The following DIS3L2 variants were observed in gnomAD, a reference collection of about 807,000 sequenced individuals.
DIS3L2 encodes the protein DIS3 like 3'-5' exoribonuclease 2, also known as DIS3-like exonuclease 2.
DIS3L2 carries 34 observed loss-of-function variants against 97.5 expected under a neutral mutation model. The ratio of observed to expected loss-of-function variants is 0.35; its 90% CI spans 0.27 to 0.46. The LOEUF (loss-of-function observed/expected upper bound fraction) is 0.46, where lower values mean the gene tolerates loss of function less well. DIS3L2 is among the 20% of genes least tolerant of loss of function. The pLI is 1.00. For missense variants in DIS3L2, 1,038 were observed against 1,146.0 expected, an observed-to-expected ratio of 0.91 and a Z score of 1.36; for synonymous variants, 435 against 445.2, an observed-to-expected ratio of 0.98 and a Z score of 0.29.
In DIS3L2 at chr2:232,257,435, C is replaced by A. The variant is rs190601614; in HGVS notation, c.1426-5772C>A. ...ACCTTTGACTTTTCTCACTGCCGGG[C>A]TGCCCCTACTAAGGATGATTGCCCT... On this transcript the variant is annotated intron_variant, in intron 12 of 20. Coordinates refer to ENST00000325385, the MANE Select transcript of DIS3L2 (RefSeq NM_152383.5). Among the ~76,000 whole-genome samples, 347 of 152,288 alleles carry A rather than the reference C, an allele frequency of 2.3e-3. 4 individuals are homozygous for A. Among genetic ancestry groups the A allele is most frequent in the African/African-American group, 8.2e-3 (340 of 41,556 alleles).
intron 14 of DIS3L2, among the ~76,000 whole-genome samples, chr2:232,312,718 A>C (rs1695170197): frequency 6.6e-6 from 1 of 152,236 alleles, no homozygotes; most frequent in Non-Finnish European, 1.5e-5. Context: ...TATGATAATG[A>C]GTCTTCACAA....
At chr2:232,243,790 T>C (rs1236499887) in intron 11 of DIS3L2, among the ~76,000 whole-genome samples, 2 of 152,246 alleles carry the variant, frequency 1.3e-5, no homozygotes, top group African/African-American at 2.4e-5. Context: ...TTATCTTTGC[T>C]GTCCCCTCGG....
intron 5 of DIS3L2, among the ~76,000 whole-genome samples, chr2:232,046,745 T>A (rs551164636): frequency 2.6e-5 from 4 of 152,354 alleles, no homozygotes; most frequent in Admixed American, 2.6e-4. Flanking sequence ...TTTTAGAATA[T>A]CTTGAGTTAT....
At chr2:232,342,519 A>G (rs1359334967) in intron 13 of DIS3L2, among the ~76,000 whole-genome samples, 1 of 152,194 alleles carries the variant, frequency 6.6e-6, no homozygotes, top group African/African-American at 2.4e-5. Context: ...AAAAGTAAAA[A>G]CTGAAGTTGA....
intron 1 of DIS3L2, among the ~76,000 whole-genome samples, chr2:231,973,279 T>A (rs1448354292): frequency 2.3e-5 from 3 of 128,224 alleles, no homozygotes; most frequent in Non-Finnish European, 4.6e-5. Context: ...TATTTACATG[T>A]TTATACACAC....
At chr2:232,207,769 A>G (rs564473868) in intron 9 of DIS3L2, among the ~76,000 whole-genome samples, 9 of 152,302 alleles carry the variant, frequency 5.9e-5, no homozygotes, top group African/African-American at 1.9e-4. Flanking sequence ...GCCATTAACT[A>G]TATTAAGCCA....
At chr2:232,096,714 A>T (rs563594058) in intron 6 of DIS3L2, among the ~76,000 whole-genome samples, 2 of 149,146 alleles carry the variant, frequency 1.3e-5, no homozygotes, top group African/African-American at 4.9e-5. Context: ...AAAGACTCTG[A>T]TGTGTTCTTC....
At chr2:232,329,786 C>A in intron 14 of DIS3L2, 27 bp from the exon 15 acceptor site, 9 of 430,228 alleles carry the variant, frequency 2.1e-5, no homozygotes, top group South Asian at 5.5e-5. Context: ...CCCCAGCGGT[C>A]CCTCCCATCC....
chr2:232,149,369 C>A (rs1334902699), intron 8 of DIS3L2, among the ~76,000 whole-genome samples: 16 of 108,272 alleles, frequency 1.5e-4, no homozygotes, highest in Non-Finnish European at 1.3e-4. Flanking sequence ...CACCACAGTC[C>A]CCAGAGTGTG....
At chr2:232,330,139 T>TTTCTCCCA in intron 15 of DIS3L2, 143 bp downstream of exon 15, 1 of 1,058,988 alleles carries the variant, frequency 9.4e-7, no homozygotes, top group African/African-American at 1.6e-5. Context: ...AAGGAGGCCC[T>TTTCTCCCA]GGGAGAAAGG....
intron 6 of DIS3L2, among the ~76,000 whole-genome samples, chr2:232,128,615 C>T (rs1360850470): frequency 6.6e-6 from 1 of 151,392 alleles, no homozygotes; most frequent in African/African-American, 2.4e-5. Flanking sequence ...CTACCATGCC[C>T]AACTAAATTT....
intron 20 of DIS3L2, 92 bp from the exon 21 acceptor site, chr2:232,336,377 G>T: frequency 6.5e-7 from 1 of 1,549,822 alleles, no homozygotes; most frequent in African/African-American, 1.4e-5. Flanking sequence ...CCGAAGGAGG[G>T]GCCAGGGGTC....
intron 7 of DIS3L2, among the ~76,000 whole-genome samples, chr2:232,135,477 G>C: frequency 6.6e-6 from 1 of 152,184 alleles, no homozygotes; most frequent in East Asian, 1.9e-4. Flanking sequence ...GCGAAGGGGG[G>C]TGTCCCACAG....
Position 232,334,502 on chromosome 2 carries a change from G to A in DIS3L2, c.2289+3G>A, listed in dbSNP as rs776875433. 6.2e-7 allele frequency: 1 copy of A among 1,613,692 alleles called. No individual in the cohort carries two copies. Among genetic ancestry groups the A allele is most frequent in the Admixed American group, 1.7e-5 (1 of 60,010 alleles). ...TCTTCTTTGCTGTTCTGGTCAAGGT[G>A]AGCCCTCCAGCCTGGTGCCCCTCAC... On this transcript the variant is annotated splice_donor_region_variant and intron_variant, in intron 18 of 20. Coordinates refer to ENST00000325385, the MANE Select transcript of DIS3L2 (RefSeq NM_152383.5).
At chr2:232,054,658 T>C (rs953099118) in intron 5 of DIS3L2, among the ~76,000 whole-genome samples, 6 of 152,196 alleles carry the variant, frequency 3.9e-5, no homozygotes, top group Admixed American at 2.0e-4. Context: ...AAAAGTCCAG[T>C]GTCAAATGGC....
intron 9 of DIS3L2, among the ~76,000 whole-genome samples, chr2:232,193,308 G>T (rs954268958): frequency 6.6e-6 from 1 of 152,212 alleles, no homozygotes; most frequent in African/African-American, 2.4e-5. Context: ...AGGTTTTAGA[G>T]GCAAATTCTG....
At chr2:232,045,604 A>G (rs1695217766) in intron 5 of DIS3L2, among the ~76,000 whole-genome samples, 1 of 151,346 alleles carries the variant, frequency 6.6e-6, no homozygotes, top group Admixed American at 6.6e-5. Flanking sequence ...AGCCTCTTTT[A>G]TAAGGGCCTA....
At chr2:232,286,101 G>C (rs1382240715) in intron 13 of DIS3L2, among the ~76,000 whole-genome samples, 1 of 152,192 alleles carries the variant, frequency 6.6e-6, no homozygotes, top group Non-Finnish European at 1.5e-5. Flanking sequence ...GAGATTAATG[G>C]ACAAGTTGTT....
chr2:232,329,789 T>TGA, intron 14 of DIS3L2, 24 bp from the exon 15 acceptor site: 7 of 368,604 alleles, frequency 1.9e-5, no homozygotes, highest in Non-Finnish European at 3.0e-5. Context: ...CAGCGGTCCC[T>TGA]CCCATCCCAC....
Sources: allele counts gnomAD v4.1 joint callset (sites outside exome capture counted in the v4.1 genomes callset), GRCh38; gene constraint gnomAD v4.1.1; transcripts MANE v1.5; gene names NCBI Gene and HGNC (gene_info 2026-07-23, HGNC 2026-07-21).